DCDC1: variants seen among roughly 807,000 people sequenced by gnomAD.
DCDC1 encodes the protein doublecortin domain containing 1.
Under a neutral mutation model 178.3 loss-of-function variants are expected in DCDC1, and 200 were observed. The observed-to-expected ratio is 1.12, with a 90% CI of 1.00 to 1.26. The LOEUF (loss-of-function observed/expected upper bound fraction) is 1.26. Among genes scored for constraint, DCDC1 ranks in the 50% most tolerant of loss-of-function variants. The probability of loss-of-function intolerance (pLI) is 0.00; values close to 1 mark genes in which losing one functional copy is unlikely to be tolerated. For synonymous variants in DCDC1, 690 were observed against 604.8 expected, an observed-to-expected ratio of 1.14 and a Z score of -2.07; for missense variants, 1,983 against 1,749.2, an observed-to-expected ratio of 1.13 and a Z score of -2.38.
At chr11:30,944,237 TTTC>T in intron 21 of DCDC1, 1 of 445,916 alleles carries the variant, frequency 2.2e-6, no homozygotes, top group Admixed American at 2.5e-5. Flanking sequence ...TCTCCTTCCT[TTTC>T]TTGTTTCTTC....
chr11:31,208,832 T>C (rs541949204), intron 9 of DCDC1, among the ~76,000 whole-genome samples: 2 of 152,320 alleles, frequency 1.3e-5, no homozygotes, highest in African/African-American at 2.4e-5. Flanking sequence ...CATTCAGCTA[T>C]CACCTCCTCA....
At position 31,245,906 on chromosome 11, in the gene DCDC1, G is replaced by T. The variant is rs147949572; in HGVS notation, c.1055-4290C>A. On this transcript the variant is annotated intron_variant, in intron 8 of 38. Transcript: ENST00000684477. The stretch of plus-strand genomic sequence containing the variant: ...AAAACTTTCATCACTGATAAGAAGT[G>T]TGAACTTACTTGGGATACATAATGG... Among the ~76,000 whole-genome samples, 132 of 152,020 alleles carry T rather than the reference G, an allele frequency of 8.7e-4. 1 individual carries two copies. The highest frequency in any genetic ancestry group is 3.4e-3 in the Middle Eastern group (1 of 294).
intron 20 of DCDC1, among the ~76,000 whole-genome samples, chr11:31,023,016 C>A (rs2135219587): frequency 6.6e-6 from 1 of 151,970 alleles, no homozygotes. Context: ...GTGTGAGAAT[C>A]CAAAAATATC....
At chr11:31,186,377 G>A (rs951534313) in intron 9 of DCDC1, among the ~76,000 whole-genome samples, 4 of 152,082 alleles carry the variant, frequency 2.6e-5, no homozygotes, top group East Asian at 1.9e-4. Context: ...CTACTTCCTC[G>A]CAGAGGGCCT....
chr11:31,302,751 T>G (rs2616792), intron 6 of DCDC1, among the ~76,000 whole-genome samples: 107,960 of 151,956 alleles, frequency 0.71, 39,733 homozygotes, highest in African/African-American at 0.9. Context: ...TGTCAACAGT[T>G]ATGCTCAAAA....
chr11:31,052,280 G>C (rs1211795114), intron 20 of DCDC1, among the ~76,000 whole-genome samples: 2 of 152,094 alleles, frequency 1.3e-5, no homozygotes, highest in African/African-American at 4.8e-5. Context: ...ATGGTAAAAG[G>C]CCTTCTCCAA....
intron 25 of DCDC1, among the ~76,000 whole-genome samples, chr11:30,920,529 A>C (rs563919636): frequency 2.4e-4 from 36 of 152,350 alleles, no homozygotes; most frequent in African/African-American, 8.2e-4. Flanking sequence ...ACTATCCTAA[A>C]ATTCTAGCCT....
At chr11:31,246,601 G>A (rs1186521555) in intron 8 of DCDC1, among the ~76,000 whole-genome samples, 1 of 151,872 alleles carries the variant, frequency 6.6e-6, no homozygotes, top group East Asian at 1.9e-4. Context: ...CTAGTGCCAA[G>A]GTATGTGTGT....
At chr11:31,149,682 G>A (rs1267354491) in intron 9 of DCDC1, among the ~76,000 whole-genome samples, 2 of 151,920 alleles carry the variant, frequency 1.3e-5, no homozygotes, top group South Asian at 2.1e-4. Context: ...CCGAGACAAC[G>A]AACCTACCAG....
intron 9 of DCDC1, among the ~76,000 whole-genome samples, chr11:31,187,407 A>C (rs158149): frequency 1.3e-5 from 2 of 151,962 alleles, no homozygotes; most frequent in Non-Finnish European, 2.9e-5. Flanking sequence ...TAAATTGGAA[A>C]GCACTGGCAA....
intron 7 of DCDC1, among the ~76,000 whole-genome samples, chr11:31,285,780 GA>G (rs2137333859): frequency 6.6e-6 from 1 of 151,996 alleles, no homozygotes; most frequent in Non-Finnish European, 1.5e-5. Context: ...GTAATAACAG[GA>G]AAAAGTAATT....
chr11:31,201,802 T>A (rs866140428), intron 9 of DCDC1, among the ~76,000 whole-genome samples: 46 of 152,004 alleles, frequency 3.0e-4, no homozygotes, highest in African/African-American at 1.1e-3. Flanking sequence ...GGGGTAAAAA[T>A]AAGACAGTTG....
intron 21 of DCDC1, among the ~76,000 whole-genome samples, chr11:30,942,841 G>T (rs569445885): frequency 6.6e-6 from 1 of 152,302 alleles, no homozygotes; most frequent in African/African-American, 2.4e-5. Context: ...AATTAAATGA[G>T]ATTAAAACGT....
rs913451411 is a variant in DCDC1 at position 31,158,804 on chromosome 11, A to G, written c.1222-21020T>C. ...TTTCTTAGGAGACACAGAAAAATTG[A>G]TAAGTTTGACTTGTAGTGAGTGTTC... On this transcript the variant is annotated intron_variant, in intron 9 of 38. Coordinates refer to ENST00000684477, the MANE Select transcript of DCDC1 (RefSeq NM_001387274.1). Among the ~76,000 whole-genome samples, 19 of 152,326 alleles carry G rather than the reference A, an allele frequency of 1.2e-4. No individual in the cohort carries two copies. In the South Asian group the frequency reaches 1.5e-3, roughly 12 times the overall value.
At chr11:31,156,426 G>C (rs1965723327) in intron 9 of DCDC1, among the ~76,000 whole-genome samples, 1 of 151,608 alleles carries the variant, frequency 6.6e-6, no homozygotes, top group African/African-American at 2.4e-5. Flanking sequence ...TAAACACTGA[G>C]ATCAGTACTG....
Position 30,906,712 on chromosome 11 carries a change from A to C in DCDC1, c.3932T>G (p.Leu1311Arg). 6.2e-7 allele frequency: 1 copy of C among 1,613,018 alleles called. No individual in the cohort carries two copies. The highest frequency in any genetic ancestry group is 8.5e-7 in the Non-Finnish European group (1 of 1,179,384). Reference protein sequence around the residue: ...ENIDQPGYCYLSPDGKRKTML... With the variant: ...ENIDQPGYCYRSPDGKRKTML... The stretch of plus-strand genomic sequence containing the variant: ...AGTTTTTCTCTTTCCATCAGGTGAG[A>C]GATAACAGTATCCCTAAAATGGGAG... The change falls in exon 30 of 39, where the codon CTC becomes CGC. Residue 1311 changes from leucine to arginine, a missense_variant. Physicochemically the swap from Leu to Arg is moderately radical, Grantham distance 102. Coordinates refer to ENST00000684477, the MANE Select transcript of DCDC1 (RefSeq NM_001387274.1).
chr11:31,114,742 T>C (rs1959611333), intron 11 of DCDC1, among the ~76,000 whole-genome samples: 1 of 152,008 alleles, frequency 6.6e-6, no homozygotes, highest in Non-Finnish European at 1.5e-5. Context: ...GGGTAGAGAA[T>C]GAAATGGGGA....
intron 9 of DCDC1, among the ~76,000 whole-genome samples, chr11:31,213,847 AGTAT>A (rs1224216791): frequency 1.3e-5 from 2 of 150,668 alleles, no homozygotes; most frequent in Admixed American, 6.6e-5. Context: ...TAAAAAAGGG[AGTAT>A]GTATCACTCA....
At position 31,077,868 on chromosome 11, in the gene DCDC1, T is replaced by G. The variant is rs773532265; in HGVS notation, c.2295A>C (p.Ser765=). 1.3e-6 allele frequency: 1 copy of G among 766,078 alleles called. No homozygotes were observed. The allele number at this position is 766,078 out of a possible 1,614,324, so 47.5% of individuals were successfully genotyped here. A position where few individuals can be genotyped will look rare whatever the true frequency, so the allele number is the denominator to read the frequency against. The change falls in exon 18 of 39, where the codon TCA becomes TCC. Residue 765 remains serine (S), a synonymous_variant. Coordinates refer to ENST00000684477, the MANE Select transcript of DCDC1 (RefSeq NM_001387274.1). ...WVFGTDGCIY[S]KAYPQFVLTY... is the part of the protein sequence containing the mutation. ...CTGTGGATTATAAAGTCCTTACCTT[T>G]GAATAAATGCAACCATCAGTTCCAA... is the stretch of plus-strand genomic sequence containing the variant.
Sources: allele counts gnomAD v4.1 joint callset (sites outside exome capture counted in the v4.1 genomes callset), GRCh38; gene constraint gnomAD v4.1.1; transcripts MANE v1.5; gene names NCBI Gene and HGNC (gene_info 2026-07-23, HGNC 2026-07-21).